OTUD7A: variants seen among roughly 807,000 people sequenced by gnomAD.
OTUD7A encodes the protein OTU domain-containing protein 7A.
OTUD7A carries 12 observed loss-of-function variants against 65.7 expected under a neutral mutation model. That is an observed-to-expected ratio of 0.18 (90% CI 0.12 to 0.30). The LOEUF (loss-of-function observed/expected upper bound fraction) is 0.30. Ranked by LOEUF, OTUD7A falls within the 10% of genes least tolerant of loss-of-function variation. The pLI is 1.00. For missense variants in OTUD7A, 1,148 were observed against 1,304.8 expected (o/e 0.88, Z 1.85); for synonymous variants, 641 against 586.3 (o/e 1.09, Z -1.35).
At chr15:31,693,771 C>T (rs1893012794) in intron 1 of OTUD7A, among the ~76,000 whole-genome samples, 2 of 152,062 alleles carry the variant, frequency 1.3e-5, no homozygotes, top group South Asian at 2.1e-4. Context: ...TGAAGGCCAG[C>T]ACACACGGGA....
At chr15:31,710,783 T>C (rs1893422982) in intron 1 of OTUD7A, among the ~76,000 whole-genome samples, 1 of 152,228 alleles carries the variant, frequency 6.6e-6, no homozygotes, top group African/African-American at 2.4e-5. Context: ...GTTTCTCCCT[T>C]TGCTGTCCAT....
chr15:31,642,815 G>C (rs542159736), intron 3 of OTUD7A, among the ~76,000 whole-genome samples: 19 of 151,598 alleles, frequency 1.3e-4, no homozygotes, highest in Admixed American at 1.1e-3. Context: ...CAATTTTATT[G>C]ATCTCAAAGA....
intron 5 of OTUD7A, among the ~76,000 whole-genome samples, chr15:31,537,813 G>T (rs562312886): frequency 6.6e-6 from 1 of 152,302 alleles, no homozygotes; most frequent in Non-Finnish European, 1.5e-5. Context: ...TAGTGCTCTG[G>T]GCAACCATCA....
At chr15:31,593,534 A>T (rs945416943) in intron 3 of OTUD7A, among the ~76,000 whole-genome samples, 1 of 151,950 alleles carries the variant, frequency 6.6e-6, no homozygotes, top group African/African-American at 2.4e-5. Flanking sequence ...GATATGTAAA[A>T]ACTTGAATTT....
At chr15:31,801,346 C>T (rs1217326123) in intron 1 of OTUD7A, among the ~76,000 whole-genome samples, 5 of 152,240 alleles carry the variant, frequency 3.3e-5, no homozygotes, top group Non-Finnish European at 5.9e-5. Context: ...ACTAACTCAA[C>T]TCTCCCAGCC....
At chr15:31,814,244 G>T (rs1448648284) in intron 1 of OTUD7A, among the ~76,000 whole-genome samples, 1 of 152,242 alleles carries the variant, frequency 6.6e-6, no homozygotes, top group Non-Finnish European at 1.5e-5. Flanking sequence ...AAAGGATCAT[G>T]TGCCAACAAC....
intron 1 of OTUD7A, among the ~76,000 whole-genome samples, chr15:31,695,045 C>T (rs1048352624): frequency 1.3e-5 from 2 of 152,158 alleles, no homozygotes; most frequent in African/African-American, 4.8e-5. Flanking sequence ...CGGGGTTTCA[C>T]CGTGTTAGCC....
intron 1 of OTUD7A, among the ~76,000 whole-genome samples, chr15:31,746,224 C>T (rs889363859): frequency 6.6e-6 from 1 of 152,156 alleles, no homozygotes; most frequent in African/African-American, 2.4e-5. Flanking sequence ...TCTACACACA[C>T]AAAGACTTGT....
Position 31,487,741 on chromosome 15 carries a change from G to A in OTUD7A, c.1172-175C>T, listed in dbSNP as rs1483050134. 1.3e-5 allele frequency among the ~76,000 whole-genome samples: 2 copies of A among 152,212 alleles called. No homozygotes were observed. Among genetic ancestry groups the A allele is most frequent in the East Asian group, 1.9e-4 (1 of 5,200 alleles). ...CACTATTGCTAGTTTTTAAAATTTC[G>A]TATTTATTGCGGACAGTGGAGAGCA... is the stretch of plus-strand genomic sequence containing the variant. On this transcript the variant is annotated intron_variant, in intron 10 of 12. Coordinates refer to ENST00000307050, the MANE Select transcript of OTUD7A (RefSeq NM_001382637.1). The surrounding 1 kb of genome is among the most constrained non-coding windows in gnomAD (Gnocchi z 6.0).
chr15:31,802,119 G>C (rs1896144947), intron 1 of OTUD7A, among the ~76,000 whole-genome samples: 1 of 133,332 alleles, frequency 7.5e-6, no homozygotes, highest in South Asian at 3.1e-4. Context: ...GTGTGTGTGT[G>C]TGTGTGTGTG....
chr15:31,631,989 TC>T lies in OTUD7A; in HGVS notation c.151+23106del, dbSNP rs544829483. Among the ~76,000 whole-genome samples the T allele has an allele frequency of 1.8e-3, 271 of 152,320 alleles. 5 individuals are homozygous for T. Among genetic ancestry groups the T allele is most frequent in the Admixed American group, 3.9e-3 (60 of 15,304 alleles). On this transcript the variant is annotated intron_variant, in intron 3 of 12. Transcript: ENST00000307050. Reference sequence around the variant, plus strand: ...GTTGATTATTCTAGTTATCCATTCATCTAGTTTTTTTTCAAAGTTTTTAACT... The same window carrying T: ...GTTGATTATTCTAGTTATCCATTCATTAGTTTTTTTTCAAAGTTTTTAACT...
chr15:31,624,267 C>G (rs1595665555), intron 3 of OTUD7A, among the ~76,000 whole-genome samples: 1 of 152,316 alleles, frequency 6.6e-6, no homozygotes, highest in East Asian at 1.9e-4. Flanking sequence ...GGTACTTATC[C>G]TAGAGGCCTG....
intron 3 of OTUD7A, among the ~76,000 whole-genome samples, chr15:31,590,908 G>A (rs1300966827): frequency 6.6e-6 from 1 of 152,168 alleles, no homozygotes; most frequent in Non-Finnish European, 1.5e-5. Context: ...CCCTGTACGT[G>A]CAGGCATCCT....
intron 3 of OTUD7A, 106 bp downstream of exon 3, chr15:31,654,990 C>G: frequency 7.3e-7 from 1 of 1,362,632 alleles, no homozygotes; most frequent in Admixed American, 3.0e-5. Flanking sequence ...CAAAGCAAAG[C>G]CCACTTAGTG....
At chr15:31,748,876 T>C (rs536251883) in intron 1 of OTUD7A, among the ~76,000 whole-genome samples, 3 of 152,278 alleles carry the variant, frequency 2.0e-5, no homozygotes, top group Admixed American at 1.3e-4. Flanking sequence ...GCTTCCAGTG[T>C]AGGGCTCTTA....
chr15:31,808,463 C>T (rs369237893), intron 1 of OTUD7A, among the ~76,000 whole-genome samples: 2 of 152,166 alleles, frequency 1.3e-5, no homozygotes, highest in Non-Finnish European at 2.9e-5. Flanking sequence ...GTGCCTGACT[C>T]GGAGGTCCAG....
intron 5 of OTUD7A, among the ~76,000 whole-genome samples, chr15:31,533,164 T>C (rs1445863956): frequency 1.3e-5 from 2 of 151,406 alleles, no homozygotes; most frequent in Non-Finnish European, 2.9e-5. Flanking sequence ...CTTACTTATA[T>C]GGGAAAAACA....
At position 31,739,863 on chromosome 15, in the gene OTUD7A, G is replaced by A. The variant is rs549403134; in HGVS notation, c.-99-82786C>T. ...CTGGGATTAAAGGCTGAACCACTGC[G>A]CCTGGCCTCACCATGTCTTGAATGC... On this transcript the variant is annotated intron_variant, in intron 1 of 12. Coordinates refer to ENST00000307050, the MANE Select transcript of OTUD7A (RefSeq NM_001382637.1). 3.9e-5 allele frequency among the ~76,000 whole-genome samples: 6 copies of A among 152,330 alleles called. No homozygotes were observed. The South Asian group carries it at 6.2e-4, about 16-fold the overall frequency.
intron 1 of OTUD7A, among the ~76,000 whole-genome samples, chr15:31,748,438 T>C (rs1014847960): frequency 1.3e-5 from 2 of 151,254 alleles, no homozygotes; most frequent in Non-Finnish European, 2.9e-5. Flanking sequence ...ACCATATATA[T>C]AAAATATGAC....
Sources: gnomAD v4.1 joint callset for allele counts (sites outside exome capture counted in the v4.1 genomes callset) on GRCh38, gnomAD v4.1.1 for gene constraint, Gnocchi (gnomAD v3.1) non-coding constraint, MANE v1.5 for transcripts, NCBI Gene and HGNC (gene_info 2026-07-23, HGNC 2026-07-21) for gene names.